ABCA1: variants seen among roughly 807,000 people sequenced by gnomAD.
ABCA1 encodes the protein phospholipid-transporting ATPase ABCA1.
A neutral mutation model predicts 262.5 loss-of-function variants in ABCA1; 133 were observed. The observed-to-expected ratio is 0.51, with a 90% CI of 0.44 to 0.59. The LOEUF is 0.59. Among genes scored for constraint, ABCA1 ranks in the 20% least tolerant of loss-of-function variants. The pLI is 0.00. For synonymous variants in ABCA1, 1,022 were observed against 1,043.5 expected, an observed-to-expected ratio of 0.98 and a Z score of 0.40; for missense variants, 2,452 against 2,777.5, an observed-to-expected ratio of 0.88 and a Z score of 2.63.
chr9:104,917,188 T>A (rs944729384), intron 1 of ABCA1, among the ~76,000 whole-genome samples: 1 of 152,242 alleles, frequency 6.6e-6, no homozygotes, highest in Non-Finnish European at 1.5e-5. Flanking sequence ...AGAGTTTGAA[T>A]CCCTGGCTCT....
At chr9:104,847,267 A>G (rs532282245) in intron 7 of ABCA1, among the ~76,000 whole-genome samples, 34 of 152,320 alleles carry the variant, frequency 2.2e-4, no homozygotes, top group African/African-American at 7.7e-4. Context: ...TTCTCCAGTC[A>G]TGGGAACCTG....
At chr9:104,846,564 T>C (rs79227686) in intron 7 of ABCA1, among the ~76,000 whole-genome samples, 2,451 of 152,324 alleles carry the variant, frequency 0.016, 53 homozygotes, top group African/African-American at 0.056. Flanking sequence ...GAGAAATAGC[T>C]GCCTGGGATG....
chr9:104,862,659 CGG>C lies in ABCA1; in HGVS notation c.422-861_422-860del, dbSNP rs1221784835. Among the ~76,000 whole-genome samples the C allele has an allele frequency of 6.2e-3, 61 of 9,800 alleles. 4 individuals carry two copies. Among genetic ancestry groups the C allele is most frequent in the East Asian group, 0.021 (5 of 242 alleles). The allele number at this position is 9,800 out of a possible 152,430, so 6.4% of individuals were successfully genotyped here. On this transcript the variant is annotated intron_variant, in intron 5 of 49. Coordinates refer to ENST00000374736, the MANE Select transcript of ABCA1 (RefSeq NM_005502.4). ...CGGGCCGGGCCGGGCCGGGCCGGGCCGGGCCGGGCCGGGCCGGGCCGGGCCGG... is the reference window on the plus strand; with the variant it reads ...CGGGCCGGGCCGGGCCGGGCCGGGCCGCCGGGCCGGGCCGGGCCGGGCCGG...
intron 7 of ABCA1, among the ~76,000 whole-genome samples, chr9:104,845,981 A>T (rs1446962627): frequency 6.6e-6 from 1 of 152,230 alleles, no homozygotes. Flanking sequence ...TATAAAGTTT[A>T]AAGCTGTCAA....
intron 1 of ABCA1, among the ~76,000 whole-genome samples, chr9:104,914,662 C>T (rs902657350): frequency 6.6e-6 from 1 of 152,146 alleles, no homozygotes; most frequent in African/African-American, 2.4e-5. Flanking sequence ...CTCCACTACA[C>T]TGAACCCACA....
intron 1 of ABCA1, among the ~76,000 whole-genome samples, chr9:104,924,316 A>AG (rs898982666): frequency 3.9e-5 from 6 of 152,036 alleles, no homozygotes; most frequent in African/African-American, 1.5e-4. Flanking sequence ...ATACTTAAAA[A>AG]AATGTATTTG....
Position 104,845,533 on chromosome 9 carries a change from C to T in ABCA1, c.757G>A (p.Glu253Lys). Residue 253 changes from glutamate to lysine, a missense_variant, in exon 8 of 50, where the codon GAG (glutamate) becomes AAG (lysine). By Grantham distance (56) the Glu-to-Lys change is moderately conservative. Coordinates refer to ENST00000374736, the MANE Select transcript of ABCA1 (RefSeq NM_005502.4). ...AATGTTTTTGTGGCTTCAGCCAGCTCCTTGCTCGGGAAGGGAGATGTAGAG... is the reference window on the plus strand; with the variant it reads ...AATGTTTTTGTGGCTTCAGCCAGCTTCTTGCTCGGGAAGGGAGATGTAGAG... ...LNSTSPFPSK[E>K]LAEATKTLLH... 6.2e-7 allele frequency: 1 copy of T among 1,613,992 alleles called. No homozygotes were observed. Among genetic ancestry groups the T allele is most frequent in the Non-Finnish European group, 8.5e-7 (1 of 1,179,944 alleles).
chr9:104,806,106 G>GAA (rs371094891), intron 31 of ABCA1, 135 bp downstream of exon 31: 32 of 931,498 alleles, frequency 3.4e-5, no homozygotes, highest in Non-Finnish European at 3.6e-5. Flanking sequence ...CTCCGCCTCA[G>GAA]AAAAAAAAAC....
intron 1 of ABCA1, among the ~76,000 whole-genome samples, chr9:104,925,375 C>CAAAAA (rs576630245): frequency 2.4e-5 from 3 of 123,242 alleles, no homozygotes; most frequent in African/African-American, 3.0e-5. Flanking sequence ...GACTGCATCT[C>CAAAAA]AAAAAAAAAA....
At chr9:104,799,070 C>T (rs1254738593) in intron 36 of ABCA1, among the ~76,000 whole-genome samples, 3 of 152,138 alleles carry the variant, frequency 2.0e-5, no homozygotes, top group Non-Finnish European at 2.9e-5. Context: ...ATTGATCTAA[C>T]ACATACAAAA....
chr9:104,890,796 T>G (rs1588520942), intron 2 of ABCA1, among the ~76,000 whole-genome samples: 1 of 152,140 alleles, frequency 6.6e-6, no homozygotes, highest in Non-Finnish European at 1.5e-5. Flanking sequence ...CTTCAAGTCC[T>G]TATATTTTTA....
chr9:104,820,137 C>T, intron 20 of ABCA1, 68 bp from the exon 21 acceptor site: 1 of 1,597,320 alleles, frequency 6.3e-7, no homozygotes, highest in South Asian at 1.1e-5. Flanking sequence ...TCCCCTGGCC[C>T]AGAACAGATG....
chr9:104,877,637 A>C (rs1177335716), intron 5 of ABCA1, among the ~76,000 whole-genome samples: 1 of 152,276 alleles, frequency 6.6e-6, no homozygotes, highest in Admixed American at 6.5e-5. Context: ...CGAATTTATT[A>C]TGTGTCAACT....
At position 104,837,417 on chromosome 9, in the gene ABCA1, G is replaced by T; in HGVS notation, c.1194+11C>A. 6.2e-7 allele frequency: 1 copy of T among 1,613,918 alleles called. No individual in the cohort carries two copies. Among genetic ancestry groups the T allele is most frequent in the Middle Eastern group, 1.7e-4 (1 of 6,056 alleles). On this transcript the variant is annotated intron_variant, in intron 10 of 49. Transcript: ENST00000374736. ...TTCTGGGGAGGGAGTCTTGGGCTGG[G>T]GGCAGCTTACCTCAGCCATGACCTG... is the stretch of plus-strand genomic sequence containing the variant.
intron 1 of ABCA1, among the ~76,000 whole-genome samples, chr9:104,927,196 C>A (rs1352074009): frequency 1.3e-5 from 2 of 148,354 alleles, no homozygotes; most frequent in African/African-American, 4.9e-5. Flanking sequence ...GGCGACAGAC[C>A]GAGACTTAAA....
chr9:104,913,073 A>G (rs542194380), intron 1 of ABCA1, among the ~76,000 whole-genome samples: 1 of 152,350 alleles, frequency 6.6e-6, no homozygotes, highest in Non-Finnish European at 1.5e-5. Flanking sequence ...TTTGGATTAC[A>G]TCTCTGAAGA....
intron 1 of ABCA1, among the ~76,000 whole-genome samples, chr9:104,922,351 G>C (rs1842183622): frequency 1.3e-5 from 2 of 152,134 alleles, no homozygotes; most frequent in Non-Finnish European, 2.9e-5. Context: ...TTGGCCTTTT[G>C]CTAATATTTC....
intron 5 of ABCA1, among the ~76,000 whole-genome samples, chr9:104,880,128 T>C (rs959618396): frequency 6.6e-6 from 1 of 151,812 alleles, no homozygotes; most frequent in African/African-American, 2.4e-5. Context: ...GGAAGGTGGG[T>C]GTGTGGTAAA....
intron 33 of ABCA1, 131 bp downstream of exon 33, chr9:104,803,153 G>T: frequency 3.9e-6 from 4 of 1,016,236 alleles, no homozygotes; most frequent in Non-Finnish European, 6.3e-6. Context: ...CAGGGCTTCT[G>T]TCCTCCTCAC....
Sources: allele counts gnomAD v4.1 joint callset (sites outside exome capture counted in the v4.1 genomes callset), GRCh38; gene constraint gnomAD v4.1.1; transcripts MANE v1.5; gene names NCBI Gene and HGNC (gene_info 2026-07-23, HGNC 2026-07-21).